MCMDC2: variants seen among roughly 807,000 people sequenced by gnomAD.
MCMDC2 encodes the protein minichromosome maintenance domain-containing protein 2.
A neutral mutation model predicts 75.8 loss-of-function variants in MCMDC2; 54 were observed. That is an observed-to-expected ratio of 0.71 (90% CI 0.57 to 0.89). MCMDC2 has a LOEUF of 0.89. Ranked by LOEUF, MCMDC2 falls within the 40% of genes least tolerant of loss-of-function variation. The pLI is 0.00. For synonymous variants in MCMDC2, 249 were observed against 274.6 expected (o/e 0.91, Z 0.92); for missense variants, 656 against 780.4 (o/e 0.84, Z 1.90).
intron 9 of MCMDC2, 100 bp from the exon 10 acceptor site, chr8:66,890,765 A>T: frequency 1.0e-6 from 1 of 966,292 alleles, no homozygotes; most frequent in Non-Finnish European, 1.6e-6. Context: ...TAGCTGGTGT[A>T]TCACAGGTGC....
At position 66,921,426 on chromosome 8, in the gene MCMDC2, C is replaced by T. The variant is rs1326386901; in HGVS notation, c.*2257C>T. On this transcript the variant is annotated 3_prime_UTR_variant, in exon 15 of 15. Transcript: ENST00000422365. ...AAGATGTTGCTATACAGGTTTTATA[C>T]CATTTATCATATAAAAATTATAACC... 1 of 152,068 alleles carries T rather than the reference C, an allele frequency of 6.6e-6. No individual in the cohort carries two copies. Among genetic ancestry groups the T allele is most frequent in the African/African-American group, 2.4e-5 (1 of 41,374 alleles). The allele number at this position is 152,068 out of a possible 1,614,324, so 9.4% of individuals were successfully genotyped here.
At chr8:66,882,249 A>T (rs777170441) in intron 8 of MCMDC2, among the ~76,000 whole-genome samples, 1 of 152,262 alleles carries the variant, frequency 6.6e-6, no homozygotes, top group Non-Finnish European at 1.5e-5. Context: ...GATTTATGGT[A>T]AGTATGTGCT....
At chr8:66,876,888 G>A (rs908873573) in intron 4 of MCMDC2, among the ~76,000 whole-genome samples, 17 of 152,106 alleles carry the variant, frequency 1.1e-4, no homozygotes, top group African/African-American at 3.9e-4. Flanking sequence ...AGCCTCCCGA[G>A]TAGCTGGGAC....
chr8:66,905,927 A>C (rs113310151), intron 14 of MCMDC2, among the ~76,000 whole-genome samples: 2,755 of 151,560 alleles, frequency 0.018, 84 homozygotes, highest in African/African-American at 0.062. Context: ...ATCGTTTGAA[A>C]CTGGGAGGTG....
chr8:66,924,119 T>C (rs886179374), downstream of MCMDC2, among the ~76,000 whole-genome samples: 2 of 152,158 alleles, frequency 1.3e-5, no homozygotes, highest in Admixed American at 6.5e-5. Context: ...TTATCAATTA[T>C]TTAGTTTGAA....
chr8:66,885,338 A>C (rs866929150), intron 9 of MCMDC2, among the ~76,000 whole-genome samples: 1 of 152,098 alleles, frequency 6.6e-6, no homozygotes, highest in Non-Finnish European at 1.5e-5. Context: ...GTCTCAAAAA[A>C]AAAAAAAAAA....
chr8:66,876,834 C>T (rs1344064793), intron 4 of MCMDC2, among the ~76,000 whole-genome samples: 1 of 152,142 alleles, frequency 6.6e-6, no homozygotes, highest in Admixed American at 6.5e-5. Context: ...GACCTCGGCT[C>T]ACTGCAAGCT....
Position 66,896,763 on chromosome 8 carries a change from C to G in MCMDC2, c.1447-17C>G. The G allele has an allele frequency of 6.4e-7, 1 of 1,554,514 alleles. No homozygotes were observed. Among genetic ancestry groups the G allele is most frequent in the Non-Finnish European group, 8.7e-7 (1 of 1,152,740 alleles). On this transcript the variant is annotated splice_polypyrimidine_tract_variant and intron_variant, in intron 11 of 14. Coordinates refer to ENST00000422365, the MANE Select transcript of MCMDC2 (RefSeq NM_173518.5). Reference sequence around the variant, plus strand: ...ACAAAGTTTAATGTTTGCCTGTTACCTTTTGGTTTGATGTAGGATTGCAGT... The same window carrying G: ...ACAAAGTTTAATGTTTGCCTGTTACGTTTTGGTTTGATGTAGGATTGCAGT...
chr8:66,920,096 C>G lies in MCMDC2; in HGVS notation c.*927C>G, dbSNP rs956748326. On this transcript the variant is annotated 3_prime_UTR_variant, in exon 15 of 15. Transcript: ENST00000422365. ...TTACCATGCATCAATTCTTTCAAAA[C>G]TGGTCCCTTAACAGAGATGCTTAAC... 6 of 152,214 alleles carry G rather than the reference C, an allele frequency of 3.9e-5. No individual in the cohort carries two copies. The highest frequency in any genetic ancestry group is 3.9e-4 in the Admixed American group (6 of 15,276). 9.4% of individuals were successfully genotyped at this position (152,214 alleles called of 1,614,324 possible). A position where few individuals can be genotyped will look rare whatever the true frequency, so the allele number is the denominator to read the frequency against.
chr8:66,877,612 C>T, intron 5 of MCMDC2, 68 bp downstream of exon 5: 1 of 1,195,538 alleles, frequency 8.4e-7, no homozygotes, highest in Non-Finnish European at 1.1e-6. Context: ...CACCTGTAAT[C>T]CCTGCACTTT....
intron 1 of MCMDC2, among the ~76,000 whole-genome samples, chr8:66,872,467 A>C (rs1296203888): frequency 6.6e-6 from 1 of 152,240 alleles, no homozygotes; most frequent in African/African-American, 2.4e-5. Context: ...GAAATATTTC[A>C]TATATGTTGT....
intron 9 of MCMDC2, among the ~76,000 whole-genome samples, chr8:66,890,404 G>A (rs1812048866): frequency 6.6e-6 from 1 of 151,796 alleles, no homozygotes; most frequent in Non-Finnish European, 1.5e-5. Context: ...TTTTTACACG[G>A]AGTCTTGCTC....
At chr8:66,890,812 G>A in intron 9 of MCMDC2, 53 bp from the exon 10 acceptor site, 2 of 1,436,784 alleles carry the variant, frequency 1.4e-6, no homozygotes, top group Non-Finnish European at 1.9e-6. Flanking sequence ...TTAATACATT[G>A]TGACTTTTGA....
rs10086905 is a variant in MCMDC2 at position 66,900,857 on chromosome 8, C to T, written c.1627-349C>T. Among the ~76,000 whole-genome samples, 1,122 of 152,160 alleles carry T rather than the reference C, an allele frequency of 7.4e-3. 11 individuals carry two copies. The highest frequency in any genetic ancestry group is 0.026 in the African/African-American group (1,080 of 41,514). On this transcript the variant is annotated intron_variant, in intron 12 of 14. Coordinates refer to ENST00000422365, the MANE Select transcript of MCMDC2 (RefSeq NM_173518.5). ...GCTCTAGGCCAATGAGAGAAACTTACGAGGAAAAAACTGTCAGAGAATTAA... is the reference window on the plus strand; with the variant it reads ...GCTCTAGGCCAATGAGAGAAACTTATGAGGAAAAAACTGTCAGAGAATTAA...
At chr8:66,908,631 G>T (rs1413019453) in intron 14 of MCMDC2, among the ~76,000 whole-genome samples, 1 of 152,030 alleles carries the variant, frequency 6.6e-6, no homozygotes, top group Admixed American at 6.6e-5. Flanking sequence ...TTTTGTTTTT[G>T]AGACAGTCTC....
chr8:66,878,998 G>A (rs1811433570), intron 7 of MCMDC2, 79 bp downstream of exon 7: 4 of 847,132 alleles, frequency 4.7e-6, no homozygotes, highest in Non-Finnish European at 7.7e-6. Context: ...GCTCATGCCT[G>A]TAATCCCAAC....
intron 14 of MCMDC2, among the ~76,000 whole-genome samples, chr8:66,906,784 AT>A (rs1049947696): frequency 4.0e-5 from 6 of 149,332 alleles, no homozygotes; most frequent in Admixed American, 6.7e-5. Context: ...TATTATTATT[AT>A]TTTTTTTTGA....
Position 66,874,228 on chromosome 8 carries a change from T to A in MCMDC2, c.88T>A (p.Tyr30Asn). ...AAAGTTTATAGATGATTGCAAGTAC[T>A]ACAATGGTACGTTCAGCAAAGGTGA... Reference protein sequence around the residue: ...LQKFIDDCKYYNDSKQSYAVY... With the variant: ...LQKFIDDCKYNNDSKQSYAVY... The change falls in exon 2 of 15, where the codon TAC (tyrosine) becomes AAC (asparagine). Residue 30 changes from tyrosine to asparagine, a missense_variant. Transcript: ENST00000422365. The A allele has an allele frequency of 6.2e-7, 1 of 1,611,952 alleles. No individual in the cohort carries two copies. Among genetic ancestry groups the A allele is most frequent in the East Asian group, 2.2e-5 (1 of 44,824 alleles).
At position 66,901,220 on chromosome 8, in the gene MCMDC2, A is replaced by G; in HGVS notation, c.1641A>G (p.Ala547=). 1 of 1,613,156 alleles carries G rather than the reference A, an allele frequency of 6.2e-7. No individual in the cohort carries two copies. The highest frequency in any genetic ancestry group is 8.5e-7 in the Non-Finnish European group (1 of 1,179,712). ...TEDFEKLLAF[A]KNLNVEFSLE... is the part of the protein sequence containing the mutation. ...ACACTTTTTAGCTATTGGCTTTTGC[A>G]AAGAATTTGAATGTAGAATTCAGCT... Residue 547 remains alanine, a synonymous_variant, in exon 13 of 15, where the codon GCA becomes GCG. Transcript: ENST00000422365.
Sources: allele counts gnomAD v4.1 joint callset (sites outside exome capture counted in the v4.1 genomes callset), GRCh38; gene constraint gnomAD v4.1.1; transcripts MANE v1.5; gene names NCBI Gene and HGNC (gene_info 2026-07-23, HGNC 2026-07-21).